Variants in SNTB1 observed in about 807,000 individuals in gnomAD.
The protein encoded by SNTB1 is beta-1-syntrophin.
SNTB1 carries 36 observed loss-of-function variants against 48.9 expected under a neutral mutation model. The observed-to-expected ratio is 0.74, with a 90% CI of 0.56 to 0.97. SNTB1 has a LOEUF of 0.97. SNTB1 is among the 50% of genes least tolerant of loss of function. The pLI is 0.00. For synonymous variants in SNTB1, 299 were observed against 294.6 expected (o/e 1.01, Z -0.15); for missense variants, 786 against 703.4 (o/e 1.12, Z -1.33).
chr8:120,761,939 A>G (rs1009508195), intron 1 of SNTB1, among the ~76,000 whole-genome samples: 6 of 152,240 alleles, frequency 3.9e-5, no homozygotes, highest in Admixed American at 2.0e-4. Context: ...ATTTCAGCTC[A>G]TGGATTTCTA....
intron 1 of SNTB1, among the ~76,000 whole-genome samples, chr8:120,727,880 C>T (rs1489403104): frequency 6.6e-6 from 1 of 152,202 alleles, no homozygotes; most frequent in Non-Finnish European, 1.5e-5. Flanking sequence ...CGGAAGAATT[C>T]ACACAAGATT....
At chr8:120,648,527 G>A (rs1236310609) in intron 2 of SNTB1, among the ~76,000 whole-genome samples, 8 of 152,004 alleles carry the variant, frequency 5.3e-5, no homozygotes, top group African/African-American at 1.4e-4. Context: ...GGTTTCTGCC[G>A]AGACATCTGC....
chr8:120,693,237 T>A (rs1249717758), intron 2 of SNTB1, among the ~76,000 whole-genome samples: 2 of 152,146 alleles, frequency 1.3e-5, no homozygotes, highest in Non-Finnish European at 1.5e-5. Flanking sequence ...TGGACCCCCA[T>A]CTCCAACATT....
At position 120,771,767 on chromosome 8, in the gene SNTB1, C is replaced by T. The variant is rs994008726; in HGVS notation, c.571+39506G>A. 3.3e-5 allele frequency among the ~76,000 whole-genome samples: 5 copies of T among 151,900 alleles called. No homozygotes were observed. In the East Asian group the frequency reaches 9.6e-4, roughly 29 times the overall value. ...TGAGCCTCTTTATAATATAACTTAG[C>T]CCTACTAACTGAAATCTAAAATATA... is the stretch of plus-strand genomic sequence containing the variant. On this transcript the variant is annotated intron_variant, in intron 1 of 6. Transcript: ENST00000517992.
chr8:120,636,209 G>A (rs1236829351), intron 2 of SNTB1, among the ~76,000 whole-genome samples: 2 of 151,986 alleles, frequency 1.3e-5, no homozygotes, highest in African/African-American at 4.8e-5. Flanking sequence ...GAGGGTGCTG[G>A]CTCAGCTTCC....
At chr8:120,644,298 G>A (rs1347431300) in intron 2 of SNTB1, among the ~76,000 whole-genome samples, 1 of 145,120 alleles carries the variant, frequency 6.9e-6, no homozygotes, top group African/African-American at 2.5e-5. Context: ...ATCTCCCGAA[G>A]CTATCCCTCC....
Position 120,811,834 on chromosome 8 carries a change from C to G in SNTB1, c.10G>C (p.Ala4Pro). 2 of 1,347,718 alleles carry G rather than the reference C, an allele frequency of 1.5e-6. No individual in the cohort carries two copies. Among genetic ancestry groups the G allele is most frequent in the Non-Finnish European group, 1.9e-6 (2 of 1,053,448 alleles). 83.5% of individuals were successfully genotyped at this position (1,347,718 alleles called of 1,614,324 possible). The change falls in exon 1 of 7, where the codon GCG (alanine) becomes CCG (proline). Residue 4 changes from alanine to proline, a missense_variant. Ala to Pro is a conservative substitution (Grantham distance 27). Coordinates refer to ENST00000517992, the MANE Select transcript of SNTB1 (RefSeq NM_021021.4). Reference protein sequence around the residue: MAVAAAAAAAGPAG... With the variant: MAVPAAAAAAGPAG... ...GGCCCAGCCGCCGCCGCCGCCGCCGCTACCGCCATCTTTCCGGCATTCTTA... is the reference window on the plus strand; with the variant it reads ...GGCCCAGCCGCCGCCGCCGCCGCCGGTACCGCCATCTTTCCGGCATTCTTA...
intron 2 of SNTB1, among the ~76,000 whole-genome samples, chr8:120,693,216 A>T (rs1358716111): frequency 6.6e-6 from 1 of 152,160 alleles, no homozygotes; most frequent in African/African-American, 2.4e-5. Context: ...CATGACCCAA[A>T]CACCTCTCAC....
intron 1 of SNTB1, among the ~76,000 whole-genome samples, chr8:120,782,578 G>A (rs1363178992): frequency 1.3e-5 from 2 of 151,824 alleles, no homozygotes; most frequent in Admixed American, 6.6e-5. Context: ...TTTAAATTAG[G>A]CATAAATATG....
chr8:120,754,757 C>T (rs1322032002), intron 1 of SNTB1, among the ~76,000 whole-genome samples: 2 of 151,988 alleles, frequency 1.3e-5, no homozygotes, highest in African/African-American at 4.8e-5. Flanking sequence ...CTGTCTGTGC[C>T]CAGGGCACAA....
intron 2 of SNTB1, among the ~76,000 whole-genome samples, chr8:120,688,653 C>A (rs1356645313): frequency 6.6e-6 from 1 of 152,094 alleles, no homozygotes; most frequent in East Asian, 1.9e-4. Context: ...TACCCTGAGG[C>A]TTAAAGGGCA....
chr8:120,541,692 C>A (rs951700103), intron 6 of SNTB1, 118 bp downstream of exon 6: 11 of 610,902 alleles, frequency 1.8e-5, no homozygotes, highest in Middle Eastern at 4.3e-4. Flanking sequence ...TCAAATAAAA[C>A]ATGGGCTTGC....
At chr8:120,557,233 G>A (rs1815579414) in intron 4 of SNTB1, among the ~76,000 whole-genome samples, 2 of 152,180 alleles carry the variant, frequency 1.3e-5, no homozygotes, top group Non-Finnish European at 2.9e-5. Context: ...CTGTGGAAGT[G>A]TTCAAGCATG....
Position 120,669,794 on chromosome 8 carries a change from T to A in SNTB1, c.788+23898A>T, listed in dbSNP as rs1469986201. 2.0e-5 allele frequency among the ~76,000 whole-genome samples: 3 copies of A among 152,338 alleles called. No individual in the cohort carries two copies. In the East Asian group the frequency reaches 5.8e-4, roughly 29 times the overall value. ...TGTAATGGGATGAATCATATTAAAA[T>A]GCAGATTCTGATTCCACAGGCCTGG... On this transcript the variant is annotated intron_variant, in intron 2 of 6. Coordinates refer to ENST00000517992, the MANE Select transcript of SNTB1 (RefSeq NM_021021.4).
chr8:120,730,631 G>C (rs1222739680), intron 1 of SNTB1, among the ~76,000 whole-genome samples: 1 of 152,132 alleles, frequency 6.6e-6, no homozygotes, highest in African/African-American at 2.4e-5. Context: ...ATTGTGATTA[G>C]GATCTTTGGG....
At position 120,737,609 on chromosome 8, in the gene SNTB1, C is replaced by T. The variant is rs528284718; in HGVS notation, c.572-43701G>A. ...TGCAGAGATTAGAGTTCAGGAGTCA[C>T]TTAGGAGAACACAGCAGCTGTTGAT... On this transcript the variant is annotated intron_variant, in intron 1 of 6. Transcript: ENST00000517992. Among the ~76,000 whole-genome samples, 4 of 152,268 alleles carry T rather than the reference C, an allele frequency of 2.6e-5. No individual in the cohort carries two copies. The East Asian group carries it at 7.7e-4, about 29-fold the overall frequency.
chr8:120,602,097 T>C (rs1587021589), intron 3 of SNTB1, among the ~76,000 whole-genome samples: 1 of 152,370 alleles, frequency 6.6e-6, no homozygotes, highest in East Asian at 1.9e-4. Context: ...GTTTGTTTTG[T>C]TTATTTCATA....
At chr8:120,785,523 A>C (rs1374452380) in intron 1 of SNTB1, among the ~76,000 whole-genome samples, 6 of 152,182 alleles carry the variant, frequency 3.9e-5, no homozygotes, top group Non-Finnish European at 8.8e-5. Context: ...CCTCACTGGA[A>C]CATTACTGCA....
intron 2 of SNTB1, among the ~76,000 whole-genome samples, chr8:120,635,084 A>C (rs1437971566): frequency 6.6e-6 from 1 of 152,140 alleles, no homozygotes; most frequent in Non-Finnish European, 1.5e-5. Context: ...CTTTTTAAGG[A>C]ATTTGCAAAG....
Sources: allele counts gnomAD v4.1 joint callset (sites outside exome capture counted in the v4.1 genomes callset), GRCh38; gene constraint gnomAD v4.1.1; transcripts MANE v1.5; gene names NCBI Gene and HGNC (gene_info 2026-07-23, HGNC 2026-07-21).